UBE2Q1: variants seen among roughly 807,000 people sequenced by gnomAD.
The protein encoded by UBE2Q1 is ubiquitin conjugating enzyme E2 Q1, also known as ubiquitin-conjugating enzyme E2 Q1.
Under a neutral mutation model 60.1 loss-of-function variants are expected in UBE2Q1, and 6 were observed. The ratio of observed to expected loss-of-function variants is 0.10; its 90% confidence interval spans 0.05 to 0.20. The LOEUF is 0.20. UBE2Q1 is among the 10% of genes least tolerant of loss of function. The pLI is 1.00. For synonymous variants in UBE2Q1, 226 were observed against 208.3 expected, an observed-to-expected ratio of 1.09 and a Z score of -0.73; for missense variants, 262 against 525.8, an observed-to-expected ratio of 0.50 and a Z score of 4.91.
chr1:154,554,635 T>C, intron 4 of UBE2Q1, 100 bp downstream of exon 4: 2 of 1,243,096 alleles, frequency 1.6e-6, no homozygotes, highest in Non-Finnish European at 2.3e-6. Flanking sequence ...TCCTTTGATA[T>C]TTTTCTCTCT....
intron 10 of UBE2Q1, 61 bp downstream of exon 10, chr1:154,551,710 C>T: frequency 1.2e-6 from 2 of 1,603,670 alleles, no homozygotes; most frequent in Non-Finnish European, 1.7e-6. Context: ...GGGGTGTGTG[C>T]TGTAAAGCTC....
intron 7 of UBE2Q1, 97 bp downstream of exon 7, chr1:154,552,307 T>C: frequency 6.3e-7 from 1 of 1,593,310 alleles, no homozygotes; most frequent in Non-Finnish European, 8.6e-7. Context: ...GGACCCTGAA[T>C]GAAAATGCTG....
In UBE2Q1 at chr1:154,549,633, A is replaced by G. The variant is rs748429483; in HGVS notation, c.*805T>C. ...TCATTCAAAAGGAATTCTACGAAGCAGCCTCTTGAGCCTCATTTTCTTTTT... is the reference window on the plus strand; with the variant it reads ...TCATTCAAAAGGAATTCTACGAAGCGGCCTCTTGAGCCTCATTTTCTTTTT... On this transcript the variant is annotated 3_prime_UTR_variant, in exon 13 of 13. Coordinates refer to ENST00000292211, the MANE Select transcript of UBE2Q1 (RefSeq NM_017582.7). The G allele has an allele frequency of 6.5e-6, 1 of 152,710 alleles. No individual in the cohort carries two copies. Among genetic ancestry groups the G allele is most frequent in the Non-Finnish European group, 1.5e-5 (1 of 68,062 alleles). 9.5% of individuals were successfully genotyped at this position (152,710 alleles called of 1,614,324 possible).
chr1:154,558,263 C>T lies in UBE2Q1; in HGVS notation c.291G>A (p.Val97=). 6.4e-7 allele frequency: 1 copy of T among 1,567,032 alleles called. No homozygotes were observed. Among genetic ancestry groups the T allele is most frequent in the South Asian group, 1.2e-5 (1 of 86,388 alleles). ...PGPHLPPRGS[V]PGDPVRIHCN... ...AGTGGATGCGGACAGGATCCCCAGG[C>T]ACCGACCCCCGTGGGGGGAGATGCG... Residue 97 remains valine, a synonymous_variant, in exon 1 of 13, where the codon GTG becomes GTA. Transcript: ENST00000292211.
At chr1:154,555,402 G>T (rs771882342) in intron 3 of UBE2Q1, 26 bp downstream of exon 3, 2 of 1,603,118 alleles carry the variant, frequency 1.2e-6, no homozygotes, top group Admixed American at 3.3e-5. Flanking sequence ...CTGCACAACA[G>T]GGCCCGAGGC....
Position 154,558,298 on chromosome 1 carries a change from C to T in UBE2Q1, c.256G>A (p.Ala86Thr), listed in dbSNP as rs202059318. The change falls in exon 1 of 13, where the codon GCG becomes ACG. Residue 86 changes from alanine (A) to threonine (T), a missense_variant. Transcript: ENST00000292211. Reference sequence around the variant, plus strand: ...CGTGGGGGGAGATGCGGTCCGGGCGCGGCCCCCGCCCCGGCCCCTCCGGCC... The same window carrying T: ...CGTGGGGGGAGATGCGGTCCGGGCGTGGCCCCCGCCCCGGCCCCTCCGGCC... ...AGAGGAGAGA[A>T]PGPHLPPRGS... 1 of 1,582,552 alleles carries T rather than the reference C, an allele frequency of 6.3e-7. No homozygotes were observed. The highest frequency in any genetic ancestry group is 8.6e-7 in the Non-Finnish European group (1 of 1,167,782).
intron 10 of UBE2Q1, 89 bp downstream of exon 10, chr1:154,551,682 T>G: frequency 6.4e-7 from 1 of 1,567,556 alleles, no homozygotes; most frequent in Admixed American, 1.7e-5. Flanking sequence ...CCACATCATG[T>G]CTATCACCCA....
intron 1 of UBE2Q1, among the ~76,000 whole-genome samples, chr1:154,557,354 C>T (rs907486530): frequency 2.6e-5 from 4 of 152,224 alleles, no homozygotes; most frequent in African/African-American, 9.7e-5. Context: ...CTATAGCATG[C>T]AGTACCAGAC....
Position 154,555,501 on chromosome 1 carries a change from T to C in UBE2Q1, c.464A>G (p.Asp155Gly), listed in dbSNP as rs1695867114. The change falls in exon 3 of 13, where the codon GAC (aspartate) becomes GGC (glycine). Residue 155 changes from aspartate to glycine, a missense_variant. By Grantham distance (94) the Asp-to-Gly change is moderately conservative. This residue lies in a region of UBE2Q1 where 111 missense variants were observed against 266.8 expected (regional missense o/e 0.42). Coordinates refer to ENST00000292211, the MANE Select transcript of UBE2Q1 (RefSeq NM_017582.7). ...AGGGAGGTTATAGAGTTTACACAGG[T>C]CGGAGATGATCCTCTTCAGATGCTG... The part of the protein sequence containing the change: ...LLQHLKRIIS[D>G]LCKLYNLPQH... 1 of 1,613,962 alleles carries C rather than the reference T, an allele frequency of 6.2e-7. No homozygotes were observed. Among genetic ancestry groups the C allele is most frequent in the Non-Finnish European group, 8.5e-7 (1 of 1,180,020 alleles).
At chr1:154,550,775 T>C (rs1483306055) in intron 12 of UBE2Q1, 163 bp downstream of exon 12, 10 of 985,242 alleles carry the variant, frequency 1.0e-5, no homozygotes, top group Admixed American at 6.2e-5. Flanking sequence ...AGGTTGTGAA[T>C]GTTAGCCACC....
At chr1:154,553,198 A>T in intron 4 of UBE2Q1, 26 bp from the exon 5 acceptor site, 1 of 1,592,624 alleles carries the variant, frequency 6.3e-7, no homozygotes, top group East Asian at 2.2e-5. Flanking sequence ...GGTGGGAGTG[A>T]AAAGAAAAGG....
At chr1:154,551,058 C>T (rs1323894725) in intron 11 of UBE2Q1, 54 bp from the exon 12 acceptor site, 5 of 1,601,654 alleles carry the variant, frequency 3.1e-6, no homozygotes, top group Non-Finnish European at 4.3e-6. Context: ...CCTTACTGCC[C>T]CTCACCTTCT....
intron 4 of UBE2Q1, 112 bp from the exon 5 acceptor site, chr1:154,553,284 A>AAGCAGTCCATCT: frequency 7.2e-7 from 1 of 1,392,534 alleles, no homozygotes; most frequent in Non-Finnish European, 9.6e-7. Flanking sequence ...AGTTAAAGTG[A>AAGCAGTCCATCT]AGCAGTCCAT....
At chr1:154,553,464 C>T (rs1055170472) in intron 4 of UBE2Q1, 3 of 288,176 alleles carry the variant, frequency 1.0e-5, no homozygotes, top group African/African-American at 2.2e-5. Flanking sequence ...CCTGGACTGA[C>T]CCTGCTCCAA....
rs1448507843 is a variant in UBE2Q1, at chr1:154,549,737, G to C, written c.*701C>G. The C allele has an allele frequency of 6.5e-6, 1 of 152,676 alleles. No homozygotes were observed. Among genetic ancestry groups the C allele is most frequent in the African/African-American group, 2.4e-5 (1 of 41,462 alleles). The allele number at this position is 152,676 out of a possible 1,614,324, so 9.5% of individuals were successfully genotyped here. A position where few individuals can be genotyped will look rare whatever the true frequency, so the allele number is the denominator to read the frequency against. The stretch of plus-strand genomic sequence containing the variant: ...CATCGTTTCAGCCTACCACATTGTA[G>C]TTTGGCAGGCCAGGCTCTGCATTCC... On this transcript the variant is annotated 3_prime_UTR_variant, in exon 13 of 13. Coordinates refer to ENST00000292211, the MANE Select transcript of UBE2Q1 (RefSeq NM_017582.7).
At chr1:154,557,535 T>C (rs975637933) in intron 1 of UBE2Q1, among the ~76,000 whole-genome samples, 6 of 152,154 alleles carry the variant, frequency 3.9e-5, no homozygotes, top group African/African-American at 1.4e-4. Context: ...ATCACTATCA[T>C]TACCAGGAAA....
chr1:154,552,011 G>T (rs764214390), intron 8 of UBE2Q1, 32 bp from the exon 9 acceptor site: 1 of 1,614,130 alleles, frequency 6.2e-7, no homozygotes, highest in Non-Finnish European at 8.5e-7. Flanking sequence ...ATCAGGGGAG[G>T]GAGGCCAGCA....
intron 10 of UBE2Q1, 76 bp downstream of exon 10, chr1:154,551,695 C>T (rs1695792573): frequency 1.3e-6 from 2 of 1,590,560 alleles, no homozygotes; most frequent in Non-Finnish European, 8.6e-7. Flanking sequence ...ATCACCCAGC[C>T]CGTAGGGGTG....
Position 154,549,412 on chromosome 1 carries a change from C to T in UBE2Q1, c.*1026G>A, listed in dbSNP as rs905626973. 1 of 152,274 alleles carries T rather than the reference C, an allele frequency of 6.6e-6. No homozygotes were observed. Among genetic ancestry groups the T allele is most frequent in the African/African-American group, 2.4e-5 (1 of 41,444 alleles). The allele number at this position is 152,274 out of a possible 1,614,324, so 9.4% of individuals were successfully genotyped here. On this transcript the variant is annotated 3_prime_UTR_variant, in exon 13 of 13. Coordinates refer to ENST00000292211, the MANE Select transcript of UBE2Q1 (RefSeq NM_017582.7). ...AAGCCAAACAAATTCAGAGCTAGGTCTGTTCTTTTTGATAAAGCCAAATGA... is the reference window on the plus strand; with the variant it reads ...AAGCCAAACAAATTCAGAGCTAGGTTTGTTCTTTTTGATAAAGCCAAATGA...
Sources: gnomAD v4.1 joint callset for allele counts (sites outside exome capture counted in the v4.1 genomes callset) on GRCh38, gnomAD v4.1.1 for gene constraint, gnomAD v4.1.1 regional missense constraint, MANE v1.5 for transcripts, NCBI Gene and HGNC (gene_info 2026-07-23, HGNC 2026-07-21) for gene names.